PTPRC: variants seen among roughly 807,000 people sequenced by gnomAD.
PTPRC encodes protein tyrosine phosphatase receptor type C, also known as receptor-type tyrosine-protein phosphatase C.
PTPRC carries 44 observed loss-of-function variants against 155.9 expected under a neutral mutation model. That is an observed-to-expected ratio of 0.28 (90% CI 0.22 to 0.36). PTPRC has a LOEUF of 0.36. Among genes scored for constraint, PTPRC ranks in the 10% least tolerant of loss-of-function variants. PTPRC has a pLI of 1.00. For synonymous variants in PTPRC, 525 were observed against 533.1 expected (o/e 0.98, Z 0.21); for missense variants, 1,401 against 1,564.6 (o/e 0.90, Z 1.76).
intron 32 of PTPRC, 57 bp from the exon 33 acceptor site, chr1:198,755,849 A>AT (rs1243763651): frequency 6.6e-7 from 1 of 1,519,688 alleles, no homozygotes; most frequent in Non-Finnish European, 9.1e-7. Flanking sequence ...TTCATCTGGC[A>AT]TAAAAATAAT....
rs1015380568 is a variant in PTPRC, at chr1:198,702,664, A to C, written c.583+134A>C. ...CCATTTTACAAATGTTCACGTATCA[A>C]CACCAAATTATGCAAAAGAAACTTG... On this transcript the variant is annotated intron_variant, in intron 6 of 32. Coordinates refer to ENST00000442510, the MANE Select transcript of PTPRC (RefSeq NM_002838.5). 2.5e-6 allele frequency: 3 copies of C among 1,195,772 alleles called. No individual in the cohort carries two copies. The African/African-American group carries it at 4.5e-5, about 18-fold the overall frequency. 74.1% of individuals were successfully genotyped at this position (1,195,772 alleles called of 1,614,324 possible).
rs545970612 is a variant in PTPRC, at chr1:198,757,231, T to C, written c.*1050T>C. The C allele has an allele frequency of 2.1e-4, 32 of 152,018 alleles. No homozygotes were observed. The highest frequency in any genetic ancestry group is 7.5e-4 in the African/African-American group (31 of 41,564). The allele number at this position is 152,018 out of a possible 1,614,324, so 9.4% of individuals were successfully genotyped here. The stretch of plus-strand genomic sequence containing the variant: ...ATGCTTAGAATGTTTTTACCAGGAA[T>C]GGATGTCGCTAATCATAATAAAATT... On this transcript the variant is annotated 3_prime_UTR_variant, in exon 33 of 33. Transcript: ENST00000442510.
At chr1:198,752,963 A>G (rs1464617778) in intron 31 of PTPRC, among the ~76,000 whole-genome samples, 191 bp downstream of exon 31, 1 of 152,066 alleles carries the variant, frequency 6.6e-6, no homozygotes, top group African/African-American at 2.4e-5. Flanking sequence ...TGATTATATT[A>G]TAGTGCAATA....
chr1:198,750,724 T>C (rs1655343925), intron 29 of PTPRC, 98 bp downstream of exon 29: 1 of 1,444,578 alleles, frequency 6.9e-7, no homozygotes, highest in Non-Finnish European at 9.7e-7. Flanking sequence ...CACGTCTTTT[T>C]TTATCCCTCC....
At chr1:198,735,868 G>T (rs563315786) in intron 23 of PTPRC, among the ~76,000 whole-genome samples, 2 of 151,640 alleles carry the variant, frequency 1.3e-5, no homozygotes, top group African/African-American at 4.8e-5. Flanking sequence ...ATGGGGAGTG[G>T]CTGCAAATAA....
chr1:198,739,897 A>G (rs1435657941), intron 23 of PTPRC, among the ~76,000 whole-genome samples: 2 of 151,980 alleles, frequency 1.3e-5, no homozygotes, highest in African/African-American at 4.8e-5. Flanking sequence ...GTAGAACTAG[A>G]AATCAATAAC....
At chr1:198,728,233 A>G in intron 15 of PTPRC, 107 bp from the exon 16 acceptor site, 1 of 831,130 alleles carries the variant, frequency 1.2e-6, no homozygotes, top group Non-Finnish European at 1.8e-6. Flanking sequence ...AAAACCTCAC[A>G]ATAAATTTAA....
intron 32 of PTPRC, 29 bp downstream of exon 32, chr1:198,754,433 A>G (rs750237139): frequency 2.3e-5 from 37 of 1,611,756 alleles, no homozygotes; most frequent in Non-Finnish European, 3.1e-5. Flanking sequence ...TGCTTTTAAC[A>G]TGCTCGGAAT....
chr1:198,672,531 G>A (rs537336465), intron 2 of PTPRC, among the ~76,000 whole-genome samples: 47 of 152,132 alleles, frequency 3.1e-4, no homozygotes, highest in Non-Finnish European at 5.6e-4. Flanking sequence ...GTGCAGAGGC[G>A]CCATCTGGGC....
chr1:198,646,544 T>G (rs945244473), intron 2 of PTPRC, among the ~76,000 whole-genome samples: 1 of 151,988 alleles, frequency 6.6e-6, no homozygotes, highest in Middle Eastern at 3.4e-3. Context: ...TTGTCAAACT[T>G]AAATCGGGCA....
Position 198,703,332 on chromosome 1 carries a change from G to A in PTPRC, c.618G>A (p.Leu206=). Residue 206 remains leucine (L), a synonymous_variant, in exon 7 of 33, where the codon CTG becomes CTA. Transcript: ENST00000442510. ...TTAATGCCTCTGAAACAACCACTCT[G>A]AGCCCTTCTGGAAGCGCTGTCATTT... ...AYLNASETTT[L]SPSGSAVIST... is the part of the protein sequence containing the mutation. The A allele has an allele frequency of 6.2e-7, 1 of 1,613,082 alleles. No individual in the cohort carries two copies. The highest frequency in any genetic ancestry group is 8.5e-7 in the Non-Finnish European group (1 of 1,179,994).
At chr1:198,689,923 T>C (rs1364574253) in intron 2 of PTPRC, among the ~76,000 whole-genome samples, 1 of 152,134 alleles carries the variant, frequency 6.6e-6, no homozygotes, top group Non-Finnish European at 1.5e-5. Context: ...GTTATAAGCT[T>C]ATCCAGGGCA....
intron 2 of PTPRC, chr1:198,679,607 G>A: frequency 4.7e-6 from 1 of 213,660 alleles, no homozygotes. Context: ...TTTTGAATTT[G>A]CCACTGTGGC....
At chr1:198,737,229 C>T (rs1654687272) in intron 23 of PTPRC, among the ~76,000 whole-genome samples, 1 of 151,616 alleles carries the variant, frequency 6.6e-6, no homozygotes, top group Non-Finnish European at 1.5e-5. Context: ...CTATGGTTGC[C>T]TGTGCTTGTG....
intron 2 of PTPRC, chr1:198,660,615 C>T (rs1341021466): frequency 6.6e-6 from 1 of 151,856 alleles, no homozygotes; most frequent in Non-Finnish European, 1.5e-5. Flanking sequence ...GGGCATCTAT[C>T]AACTTACCTT....
intron 2 of PTPRC, among the ~76,000 whole-genome samples, chr1:198,673,015 C>G (rs1399139254): frequency 1.3e-5 from 2 of 152,180 alleles, no homozygotes; most frequent in Non-Finnish European, 2.9e-5. Context: ...CACCCCTCTA[C>G]CTTACATCTT....
chr1:198,754,328 A>C lies in PTPRC; in HGVS notation c.3569A>C (p.Glu1190Ala), dbSNP rs938607366. Reference protein sequence around the residue: ...CALLNLLESAETEEVVDIFQV... With the variant: ...CALLNLLESAATEEVVDIFQV... ...TTGTTAAATCTCTTAGAAAGTGCGG[A>C]AACAGAAGAGGTAGTGGATATTTTT... The change falls in exon 32 of 33, where the codon GAA (glutamate) becomes GCA (alanine). Residue 1190 changes from glutamate to alanine, a missense_variant. This residue lies in a region of PTPRC where 400 missense variants were observed against 389.5 expected (regional missense o/e 1.03). Coordinates refer to ENST00000442510, the MANE Select transcript of PTPRC (RefSeq NM_002838.5). 5 of 1,613,112 alleles carry C rather than the reference A, an allele frequency of 3.1e-6. No homozygotes were observed. Among genetic ancestry groups the C allele is most frequent in the Non-Finnish European group, 4.2e-6 (5 of 1,179,296 alleles).
intron 15 of PTPRC, among the ~76,000 whole-genome samples, chr1:198,724,962 TG>T (rs1416959325): frequency 6.6e-6 from 1 of 151,948 alleles, no homozygotes; most frequent in African/African-American, 2.4e-5. Flanking sequence ...CCACCACACC[TG>T]GCTAATTTTT....
chr1:198,719,672 GTGATCTCGGCTCAC>G (rs1357090911), intron 14 of PTPRC, among the ~76,000 whole-genome samples: 1 of 151,808 alleles, frequency 6.6e-6, no homozygotes, highest in East Asian at 1.9e-4. Context: ...GTGTGGTGGC[GTGATCTCGGCTCAC>G]TGCAACCTCC....
Sources: gnomAD v4.1 joint callset for allele counts (sites outside exome capture counted in the v4.1 genomes callset) on GRCh38, gnomAD v4.1.1 for gene constraint, gnomAD v4.1.1 regional missense constraint, MANE v1.5 for transcripts, NCBI Gene and HGNC (gene_info 2026-07-23, HGNC 2026-07-21) for gene names.